The following CDC42BPA variants were observed in gnomAD, a reference collection of about 807,000 sequenced individuals.
CDC42BPA encodes CDC42 binding protein kinase alpha.
CDC42BPA carries 80 observed loss-of-function variants against 223.5 expected under a neutral mutation model. The observed-to-expected ratio is 0.36, with a 90% CI of 0.30 to 0.43. The LOEUF (loss-of-function observed/expected upper bound fraction) is 0.43. Ranked by LOEUF, CDC42BPA falls within the 20% of genes least tolerant of loss-of-function variation. CDC42BPA has a pLI of 1.00. For synonymous variants in CDC42BPA, 694 were observed against 718.6 expected (o/e 0.97, Z 0.55); for missense variants, 1,743 against 2,099.9 (o/e 0.83, Z 3.32).
intron 2 of CDC42BPA, among the ~76,000 whole-genome samples, chr1:227,249,134 T>C (rs1406487110): frequency 6.6e-6 from 1 of 152,082 alleles, no homozygotes; most frequent in Non-Finnish European, 1.5e-5. Context: ...GAAATCCACA[T>C]ACATACAGGG....
intron 34 of CDC42BPA, among the ~76,000 whole-genome samples, chr1:227,014,863 G>A (rs1055911558): frequency 6.6e-6 from 1 of 152,184 alleles, no homozygotes; most frequent in Non-Finnish European, 1.5e-5. Context: ...GTACTGAAAT[G>A]TACAGAGCCT....
chr1:227,308,030 G>T (rs1261370777), intron 1 of CDC42BPA, among the ~76,000 whole-genome samples: 1 of 151,916 alleles, frequency 6.6e-6, no homozygotes, highest in African/African-American at 2.4e-5. Context: ...AGATTTTTTT[G>T]CATAGTCACA....
chr1:227,205,278 AAAAAAAT>A lies in CDC42BPA; in HGVS notation c.355-5633_355-5627del, dbSNP rs1413110723. ...AGTGAGACTCTGTCTCAAAAAAAAA[AAAAAAAT>A]ATATATATATATATATATATACACA... On this transcript the variant is annotated intron_variant, in intron 3 of 36. Coordinates refer to ENST00000366766, the MANE Select transcript of CDC42BPA (RefSeq NM_001394014.1). Among the ~76,000 whole-genome samples, 302 of 48,758 alleles carry A rather than the reference AAAAAAAT, an allele frequency of 6.2e-3. 1 individual carries two copies. Among genetic ancestry groups the A allele is most frequent in the South Asian group, 0.043 (63 of 1,474 alleles). 32.0% of individuals were successfully genotyped at this position (48,758 alleles called of 152,430 possible). A position where few individuals can be genotyped will look rare whatever the true frequency, so the allele number is the denominator to read the frequency against.
chr1:227,212,677 C>T (rs1480135037), intron 3 of CDC42BPA, among the ~76,000 whole-genome samples: 6 of 152,148 alleles, frequency 3.9e-5, no homozygotes, highest in Non-Finnish European at 8.8e-5. Context: ...GATTTTACTA[C>T]AACTCCTGTA....
chr1:227,286,398 T>G (rs1193451397), intron 1 of CDC42BPA, among the ~76,000 whole-genome samples: 1 of 152,216 alleles, frequency 6.6e-6, no homozygotes, highest in Non-Finnish European at 1.5e-5. Context: ...TCAAGTTCTT[T>G]GCTAAGGTGT....
chr1:227,061,247 A>C (rs1355344643), intron 21 of CDC42BPA, among the ~76,000 whole-genome samples: 1 of 152,138 alleles, frequency 6.6e-6, no homozygotes, highest in Non-Finnish European at 1.5e-5. Flanking sequence ...ACCAAACAAT[A>C]AACAAATCAA....
At chr1:227,100,029 C>A (rs1397949014) in intron 15 of CDC42BPA, among the ~76,000 whole-genome samples, 1 of 152,076 alleles carries the variant, frequency 6.6e-6, no homozygotes, top group Admixed American at 6.6e-5. Flanking sequence ...AATAAATGCA[C>A]CAAATTGAAT....
intron 2 of CDC42BPA, among the ~76,000 whole-genome samples, chr1:227,232,900 TCAAA>T (rs1678285558): frequency 6.6e-6 from 1 of 152,194 alleles, no homozygotes; most frequent in South Asian, 2.1e-4. Flanking sequence ...TTCTCAGATC[TCAAA>T]CTCCTTGCTG....
intron 5 of CDC42BPA, chr1:227,178,493 C>T (rs1245432338): frequency 6.5e-6 from 1 of 153,486 alleles, no homozygotes; most frequent in African/African-American, 2.4e-5. Context: ...TATGTCTTGT[C>T]TTTTTTGTTG....
intron 8 of CDC42BPA, among the ~76,000 whole-genome samples, 180 bp downstream of exon 8, chr1:227,145,309 T>C (rs959318475): frequency 6.6e-5 from 10 of 152,336 alleles, no homozygotes; most frequent in Middle Eastern, 3.4e-3. Context: ...TATGTTCACC[T>C]CAGTTAACTT....
intron 2 of CDC42BPA, among the ~76,000 whole-genome samples, chr1:227,241,554 G>C (rs897290154): frequency 1.3e-5 from 2 of 152,126 alleles, no homozygotes; most frequent in Admixed American, 1.3e-4. Context: ...ACATTATCCT[G>C]AGTGAAAGGT....
intron 1 of CDC42BPA, among the ~76,000 whole-genome samples, chr1:227,310,585 G>A (rs1693333648): frequency 6.6e-6 from 1 of 152,220 alleles, no homozygotes; most frequent in Admixed American, 6.5e-5. Context: ...TAGGAAGGAA[G>A]TGTGTAGAAG....
chr1:227,092,620 AGTGTT>A (rs1455659732), intron 15 of CDC42BPA, among the ~76,000 whole-genome samples: 4 of 152,228 alleles, frequency 2.6e-5, no homozygotes, highest in African/African-American at 9.6e-5. Flanking sequence ...GCCACTTCCT[AGTGTT>A]ATCAATTTGA....
At chr1:227,294,397 G>A (rs1361173530) in intron 1 of CDC42BPA, among the ~76,000 whole-genome samples, 2 of 151,978 alleles carry the variant, frequency 1.3e-5, no homozygotes, top group African/African-American at 2.4e-5. Context: ...AAGATCACAC[G>A]ATATTAATAA....
chr1:227,235,998 C>T (rs1402575257), intron 2 of CDC42BPA, among the ~76,000 whole-genome samples: 1 of 152,110 alleles, frequency 6.6e-6, no homozygotes, highest in African/African-American at 2.4e-5. Context: ...TCCTGGGGTC[C>T]CTGAATCAGC....
chr1:227,050,967 T>C (rs1673422097), intron 22 of CDC42BPA, among the ~76,000 whole-genome samples: 1 of 152,346 alleles, frequency 6.6e-6, no homozygotes, highest in African/African-American at 2.4e-5. Flanking sequence ...CTCTGAATGC[T>C]TGAAATATTT....
In CDC42BPA at chr1:227,150,651, T is replaced by C. The variant is rs143989331; in HGVS notation, c.694-3092A>G. ...CTAGAAGCAATTATGAACAAAGATA[T>C]TAGTAAACTTTACTAATACATTTAA... On this transcript the variant is annotated intron_variant, in intron 6 of 36. Coordinates refer to ENST00000366766, the MANE Select transcript of CDC42BPA (RefSeq NM_001394014.1). Among the ~76,000 whole-genome samples, 28 of 152,136 alleles carry C rather than the reference T, an allele frequency of 1.8e-4. No homozygotes were observed. The East Asian group carries it at 3.3e-3, about 18-fold the overall frequency.
intron 2 of CDC42BPA, among the ~76,000 whole-genome samples, chr1:227,242,835 A>C (rs1353511966): frequency 6.6e-6 from 1 of 152,250 alleles, no homozygotes; most frequent in Non-Finnish European, 1.5e-5. Flanking sequence ...ATATACCCAA[A>C]GGAATATAAA....
chr1:226,992,852 C>A lies in CDC42BPA; in HGVS notation c.*1416G>T, dbSNP rs1660918006. 6.6e-6 allele frequency: 1 copy of A among 152,188 alleles called. No individual in the cohort carries two copies. The highest frequency in any genetic ancestry group is 6.5e-5 in the Admixed American group (1 of 15,280). The allele number at this position is 152,188 out of a possible 1,614,324, so 9.4% of individuals were successfully genotyped here. A position where few individuals can be genotyped will look rare whatever the true frequency, so the allele number is the denominator to read the frequency against. On this transcript the variant is annotated 3_prime_UTR_variant, in exon 37 of 37. Coordinates refer to ENST00000366766, the MANE Select transcript of CDC42BPA (RefSeq NM_001394014.1). The stretch of plus-strand genomic sequence containing the variant: ...TTATGGCAACTACAACAGGAGGAAT[C>A]CAGCTGGAAATGCCACTAACCCCAC...
Sources: gnomAD v4.1 joint callset for allele counts (sites outside exome capture counted in the v4.1 genomes callset) on GRCh38, gnomAD v4.1.1 for gene constraint, MANE v1.5 for transcripts, NCBI Gene and HGNC (gene_info 2026-07-23, HGNC 2026-07-21) for gene names.